DSG3: variants seen among roughly 807,000 people sequenced by gnomAD.
DSG3 encodes the protein desmoglein-3.
In DSG3, 63 loss-of-function variants were observed where a neutral mutation model predicts 85.9. That is an observed-to-expected ratio of 0.73 (90% CI 0.60 to 0.90). The LOEUF (loss-of-function observed/expected upper bound fraction) is 0.90. Ranked by LOEUF, DSG3 falls within the 40% of genes least tolerant of loss-of-function variation. The probability of loss-of-function intolerance (pLI) is 0.00; values close to 1 mark genes in which losing one functional copy is unlikely to be tolerated. For synonymous variants in DSG3, 447 were observed against 441.9 expected, an observed-to-expected ratio of 1.01 and a Z score of -0.14; for missense variants, 1,220 against 1,219.9, an observed-to-expected ratio of 1.00 and a Z score of 0.00.
intron 12 of DSG3, 145 bp from the exon 13 acceptor site, chr18:31,472,139 T>G: frequency 9.3e-7 from 1 of 1,076,934 alleles, no homozygotes; most frequent in Non-Finnish European, 1.3e-6. Context: ...GTTTCATTTG[T>G]AGAAACTAAT....
intron 8 of DSG3, among the ~76,000 whole-genome samples, chr18:31,461,908 TA>T (rs1483944070): frequency 6.6e-6 from 1 of 152,182 alleles, no homozygotes; most frequent in Non-Finnish European, 1.5e-5. Flanking sequence ...ATCTGCAAAA[TA>T]AAAGATAAAT....
At chr18:31,454,363 C>T (rs8093149) in intron 1 of DSG3, among the ~76,000 whole-genome samples, 37,439 of 152,118 alleles carry the variant, frequency 0.25, 4,879 homozygotes, top group South Asian at 0.36. Context: ...ACTCAAGGTA[C>T]TGCTTTAAAA....
chr18:31,451,759 A>G (rs1393333682), intron 1 of DSG3, among the ~76,000 whole-genome samples: 1 of 152,192 alleles, frequency 6.6e-6, no homozygotes, highest in Non-Finnish European at 1.5e-5. Context: ...AATTACTTCT[A>G]CCAATTAGCA....
rs1162525746 is a variant in DSG3, at chr18:31,476,417, A to T, written c.*157A>T. 3.7e-6 allele frequency: 3 copies of T among 808,474 alleles called. No individual in the cohort carries two copies. The highest frequency in any genetic ancestry group is 5.5e-6 in the Non-Finnish European group (3 of 549,428). 50.1% of individuals were successfully genotyped at this position (808,474 alleles called of 1,614,324 possible). ...GATTATAAATTAAATGTTTGGGTTC[A>T]TACCCCAAAAGCAATATGTTGTCAC... On this transcript the variant is annotated 3_prime_UTR_variant, in exon 16 of 16. Coordinates refer to ENST00000257189, the MANE Select transcript of DSG3 (RefSeq NM_001944.3).
intron 1 of DSG3, among the ~76,000 whole-genome samples, chr18:31,448,409 A>G (rs1393075044): frequency 2.0e-5 from 3 of 152,238 alleles, no homozygotes; most frequent in Non-Finnish European, 4.4e-5. Flanking sequence ...GTTTGACTCT[A>G]GAGAAGTTGG....
intron 1 of DSG3, among the ~76,000 whole-genome samples, chr18:31,451,596 T>A (rs915881947): frequency 6.6e-6 from 1 of 152,186 alleles, no homozygotes; most frequent in Non-Finnish European, 1.5e-5. Context: ...ATATCTCTTC[T>A]TCTCCTGATT....
At chr18:31,449,390 A>G (rs978852793) in intron 1 of DSG3, among the ~76,000 whole-genome samples, 3 of 152,164 alleles carry the variant, frequency 2.0e-5, no homozygotes, top group African/African-American at 7.2e-5. Flanking sequence ...TCAGGAAGTT[A>G]GGGGCCATGC....
intron 8 of DSG3, among the ~76,000 whole-genome samples, chr18:31,462,844 T>C (rs556592512): frequency 6.6e-6 from 1 of 152,274 alleles, no homozygotes; most frequent in South Asian, 2.1e-4. Flanking sequence ...ACCACATTTT[T>C]CTTAAAAACA....
At chr18:31,465,094 C>T (rs1276641800) in intron 9 of DSG3, among the ~76,000 whole-genome samples, 1 of 148,724 alleles carries the variant, frequency 6.7e-6, no homozygotes, top group Non-Finnish European at 1.5e-5. Context: ...CATTGCACTC[C>T]AGCCCGGGCA....
intron 12 of DSG3, among the ~76,000 whole-genome samples, chr18:31,470,881 A>C (rs2072851435): frequency 6.6e-6 from 1 of 152,242 alleles, no homozygotes. Flanking sequence ...AATTGTGGAA[A>C]GTGAAGGAGC....
chr18:31,449,671 G>A (rs1340101060), intron 1 of DSG3, among the ~76,000 whole-genome samples: 6 of 152,072 alleles, frequency 3.9e-5, no homozygotes, highest in African/African-American at 9.7e-5. Context: ...AAAAACCCCC[G>A]CACAATGTCC....
chr18:31,454,381 C>T (rs542171387), intron 1 of DSG3, among the ~76,000 whole-genome samples: 2 of 152,266 alleles, frequency 1.3e-5, no homozygotes, highest in Admixed American at 6.5e-5. Flanking sequence ...AAAAGAGCAA[C>T]AATGTTGGAA....
At position 31,464,372 on chromosome 18, in the gene DSG3, T is replaced by C. The variant is rs895892493; in HGVS notation, c.1261T>C (p.Ser421Pro). ...AIDEDTNKAASNVKYVMGRND... is the reference protein window; with the variant it reads ...AIDEDTNKAAPNVKYVMGRND... ...CGATGAGGACACTAACAAAGCTGCC[T>C]CAAATGTCAAGTAAGACTATTTTTA... Residue 421 changes from serine to proline, a missense_variant, in exon 9 of 16, where the codon TCA becomes CCA. Ser to Pro is a moderately conservative substitution (Grantham distance 74). Coordinates refer to ENST00000257189, the MANE Select transcript of DSG3 (RefSeq NM_001944.3). The C allele has an allele frequency of 1.9e-6, 3 of 1,606,920 alleles. No individual in the cohort carries two copies. The highest frequency in any genetic ancestry group is 2.6e-6 in the Non-Finnish European group (3 of 1,176,138).
chr18:31,459,002 G>A lies in DSG3; in HGVS notation c.373-31G>A, dbSNP rs1371655880. 4 of 1,610,488 alleles carry A rather than the reference G, an allele frequency of 2.5e-6. No individual in the cohort carries two copies. The South Asian group carries it at 4.4e-5, about 18-fold the overall frequency. On this transcript the variant is annotated intron_variant, in intron 4 of 15. Transcript: ENST00000257189. ...TAATAGTATGAAAACTGATTGCAGA[G>A]TAATACTCCACATTTTCCCTCTGTT...
chr18:31,456,572 T>G (rs1366304097), intron 2 of DSG3, 97 bp downstream of exon 2: 15 of 598,008 alleles, frequency 2.5e-5, no homozygotes, highest in Non-Finnish European at 3.8e-5. Context: ...ATTTCTAAAA[T>G]TATTCAATAA....
intron 8 of DSG3, among the ~76,000 whole-genome samples, chr18:31,462,282 G>A (rs148549685): frequency 1.3e-5 from 2 of 152,238 alleles, no homozygotes; most frequent in African/African-American, 4.8e-5. Flanking sequence ...ATATTGACCA[G>A]GCTGGTCTCG....
At chr18:31,473,869 C>G (rs1195860082) in intron 14 of DSG3, among the ~76,000 whole-genome samples, 1 of 152,152 alleles carries the variant, frequency 6.6e-6, no homozygotes, top group Non-Finnish European at 1.5e-5. Flanking sequence ...TGGCTGTTGT[C>G]ACTGAAAATC....
chr18:31,472,145 C>G (rs1023717980), intron 12 of DSG3, 139 bp from the exon 13 acceptor site: 44 of 1,161,488 alleles, frequency 3.8e-5, no homozygotes, highest in African/African-American at 6.2e-5. Context: ...TTTGTAGAAA[C>G]TAATTTTGGT....
intron 1 of DSG3, among the ~76,000 whole-genome samples, chr18:31,453,961 A>T (rs1166616419): frequency 1.3e-5 from 2 of 152,162 alleles, no homozygotes; most frequent in East Asian, 3.8e-4. Flanking sequence ...ATTGTTTTTA[A>T]AATGTCCAAA....
Sources: allele counts gnomAD v4.1 joint callset (sites outside exome capture counted in the v4.1 genomes callset), GRCh38; gene constraint gnomAD v4.1.1; transcripts MANE v1.5; gene names NCBI Gene and HGNC (gene_info 2026-07-23, HGNC 2026-07-21).